NFIB: variants seen among roughly 807,000 people sequenced by gnomAD.
NFIB encodes the protein nuclear factor I B, also known as nuclear factor 1 B-type.
Under a neutral mutation model 61.5 loss-of-function variants are expected in NFIB, and 11 were observed. The observed-to-expected ratio is 0.18, with a 90% confidence interval of 0.11 to 0.30. NFIB has a LOEUF of 0.30. Ranked by LOEUF, NFIB falls within the 10% of genes least tolerant of loss-of-function variation. NFIB has a pLI of 1.00. For missense variants in NFIB, 471 were observed against 608.9 expected (o/e 0.77, Z 2.38); for synonymous variants, 260 against 216.5 (o/e 1.20, Z -1.76).
intron 2 of NFIB, among the ~76,000 whole-genome samples, chr9:14,258,563 T>G (rs1028535010): frequency 6.6e-6 from 1 of 152,264 alleles, no homozygotes; most frequent in African/African-American, 2.4e-5. Context: ...CAACTTATAG[T>G]ATTTTTAAGT....
intron 1 of NFIB, chr9:14,357,950 G>C (rs2061195386): frequency 1.3e-5 from 2 of 152,176 alleles, no homozygotes; most frequent in Non-Finnish European, 2.9e-5. Flanking sequence ...ATTCTATAGG[G>C]ACAGAAACTA....
At chr9:14,352,874 G>A (rs1000723869) in intron 1 of NFIB, among the ~76,000 whole-genome samples, 6 of 152,220 alleles carry the variant, frequency 3.9e-5, no homozygotes, top group African/African-American at 9.7e-5. Context: ...GAAAGAGTAC[G>A]TTTTTGACAT....
chr9:14,407,929 C>T, the NFIB span, among the ~76,000 whole-genome samples: 1 of 152,158 alleles, frequency 6.6e-6, no homozygotes, highest in Non-Finnish European at 1.5e-5. Context: ...TCAAGTAATC[C>T]TCCCATCCTT....
chr9:14,462,341 G>C, the NFIB span, among the ~76,000 whole-genome samples: 1 of 149,802 alleles, frequency 6.7e-6, no homozygotes, highest in Non-Finnish European at 1.5e-5. Context: ...GGAGTGCAGT[G>C]GCGCGATCTT....
chr9:14,175,003 A>G (rs2046002558), intron 3 of NFIB, among the ~76,000 whole-genome samples: 2 of 152,018 alleles, frequency 1.3e-5, no homozygotes, highest in Non-Finnish European at 2.9e-5. Flanking sequence ...TCAACAGATG[A>G]ACAAATGACA....
chr9:14,202,090 C>T (rs1375972117), intron 2 of NFIB, among the ~76,000 whole-genome samples: 1 of 151,468 alleles, frequency 6.6e-6, no homozygotes, highest in Non-Finnish European at 1.5e-5. Context: ...TAAGCAGAAT[C>T]TGTAATCATT....
intron 2 of NFIB, among the ~76,000 whole-genome samples, chr9:14,300,004 T>G (rs1432525293): frequency 6.6e-6 from 1 of 152,206 alleles, no homozygotes; most frequent in South Asian, 2.1e-4. Context: ...ACGTTCAATC[T>G]AATACAAGCT....
At chr9:14,227,394 C>A (rs1402050626) in intron 2 of NFIB, among the ~76,000 whole-genome samples, 2 of 152,144 alleles carry the variant, frequency 1.3e-5, no homozygotes, top group Admixed American at 1.3e-4. Flanking sequence ...GTACTCAAAA[C>A]TATCTGTTGA....
intron 2 of NFIB, among the ~76,000 whole-genome samples, chr9:14,271,327 T>G (rs1280411974): frequency 6.6e-6 from 1 of 151,646 alleles, no homozygotes; most frequent in African/African-American, 2.4e-5. Context: ...GATAGTTATC[T>G]AACTGAGGCT....
intron 2 of NFIB, among the ~76,000 whole-genome samples, chr9:14,180,321 T>C (rs1051765874): frequency 6.6e-6 from 1 of 152,162 alleles, no homozygotes; most frequent in Non-Finnish European, 1.5e-5. Flanking sequence ...CATCCCATAA[T>C]AGCAATCGAT....
intron 10 of NFIB, among the ~76,000 whole-genome samples, chr9:14,092,804 GGAA>G (rs2034148075): frequency 6.6e-6 from 1 of 151,846 alleles, no homozygotes; most frequent in South Asian, 2.1e-4. Flanking sequence ...GGATTAAGGC[GGAA>G]GAAGATACCC....
At chr9:14,385,462 C>CACCTACAT (rs2061538790) in intron 1 of NFIB, among the ~76,000 whole-genome samples, 1 of 152,162 alleles carries the variant, frequency 6.6e-6, no homozygotes, top group Admixed American at 6.5e-5. Flanking sequence ...ATTATCTCTG[C>CACCTACAT]ACCTGGCATA....
At chr9:14,410,942 G>A in the NFIB span, among the ~76,000 whole-genome samples, 1 of 152,148 alleles carries the variant, frequency 6.6e-6, no homozygotes, top group African/African-American at 2.4e-5. Flanking sequence ...TATTGTCAGA[G>A]TTCTGTTACC....
At chr9:14,448,625 T>A in the NFIB span, among the ~76,000 whole-genome samples, 1 of 152,158 alleles carries the variant, frequency 6.6e-6, no homozygotes, top group Admixed American at 6.5e-5. Context: ...AGTGTGGGAA[T>A]AAGGCTGGAA....
intron 1 of NFIB, among the ~76,000 whole-genome samples, chr9:14,372,256 A>C (rs1455458119): frequency 6.6e-6 from 1 of 152,126 alleles, no homozygotes; most frequent in Non-Finnish European, 1.5e-5. Context: ...GCCTCTATAA[A>C]CATCTGAGTT....
chr9:14,461,947 T>C, the NFIB span, among the ~76,000 whole-genome samples: 1 of 152,196 alleles, frequency 6.6e-6, no homozygotes, highest in African/African-American at 2.4e-5. Context: ...GGGTCTCGTA[T>C]ACACATGTTA....
chr9:14,512,779 C>G, the NFIB span, among the ~76,000 whole-genome samples: 1 of 151,828 alleles, frequency 6.6e-6, no homozygotes. Context: ...TTCCTACCTC[C>G]CGTCTTTCTT....
At chr9:14,349,502 G>A (rs982754877) in intron 1 of NFIB, among the ~76,000 whole-genome samples, 11 of 152,090 alleles carry the variant, frequency 7.2e-5, no homozygotes, top group African/African-American at 2.4e-4. Context: ...ACCCCACTCC[G>A]TTTTGGGAGC....
the NFIB span, among the ~76,000 whole-genome samples, chr9:14,465,342 CAG>C: frequency 6.6e-6 from 1 of 152,068 alleles, no homozygotes; most frequent in Non-Finnish European, 1.5e-5. Context: ...AGAAAACAAA[CAG>C]AAAGAAATCA....
Sources: allele counts gnomAD v4.1 joint callset (sites outside exome capture counted in the v4.1 genomes callset), GRCh38; gene constraint gnomAD v4.1.1; transcripts MANE v1.5; gene names NCBI Gene and HGNC (gene_info 2026-07-23, HGNC 2026-07-21).